Variants in RPRD2 observed in about 807,000 individuals in gnomAD.
RPRD2 encodes the protein regulation of nuclear pre-mRNA domain containing 2.
In RPRD2, 12 loss-of-function variants were observed where a neutral mutation model predicts 104.4. The ratio of observed to expected loss-of-function variants is 0.11; its 90% CI spans 0.07 to 0.19. RPRD2 has a LOEUF of 0.19. RPRD2 is among the 10% of genes least tolerant of loss of function. The pLI is 1.00. For synonymous variants in RPRD2, 714 were observed against 684.9 expected (o/e 1.04, Z -0.66); for missense variants, 1,543 against 1,790.1 (o/e 0.86, Z 2.49).
chr1:150,464,206 C>G (rs2102422845), intron 9 of RPRD2, among the ~76,000 whole-genome samples: 1 of 151,884 alleles, frequency 6.6e-6, no homozygotes, highest in African/African-American at 2.4e-5. Flanking sequence ...ACAGGGTTTC[C>G]CCATGTTGGT....
At chr1:150,423,947 C>A (rs1553890143) in intron 2 of RPRD2, among the ~76,000 whole-genome samples, 1 of 151,882 alleles carries the variant, frequency 6.6e-6, no homozygotes, top group African/African-American at 2.4e-5. Context: ...CATGCGCCAC[C>A]ACGCCTGGCT....
At chr1:150,425,365 C>T (rs1277608100) in intron 2 of RPRD2, among the ~76,000 whole-genome samples, 2 of 152,020 alleles carry the variant, frequency 1.3e-5, no homozygotes, top group African/African-American at 2.4e-5. Context: ...AATTTCTGGC[C>T]GGGTGAGGTG....
intron 1 of RPRD2, among the ~76,000 whole-genome samples, chr1:150,374,045 C>T (rs1245613575): frequency 6.6e-6 from 1 of 152,054 alleles, no homozygotes; most frequent in African/African-American, 2.4e-5. Context: ...GGTTGGCATC[C>T]CCTGGGTAGC....
rs782068239 is a variant in RPRD2, at chr1:150,464,604, G to A, written c.1489G>A (p.Ala497Thr). 6 of 1,608,830 alleles carry A rather than the reference G, an allele frequency of 3.7e-6. No homozygotes were observed. The South Asian group carries it at 6.6e-5, about 18-fold the overall frequency. Reference sequence around the variant, plus strand: ...CCTCACCAGTGGCCTGAAAACACCTGCACCTGCCACGACAACATCTCACAA... The same window carrying A: ...CCTCACCAGTGGCCTGAAAACACCTACACCTGCCACGACAACATCTCACAA... Reference protein sequence around the residue: ...SNLTSGLKTPAPATTTSHNPL... With the variant: ...SNLTSGLKTPTPATTTSHNPL... Residue 497 changes from alanine (A) to threonine (T), a missense_variant, in exon 10 of 11, where the codon GCA becomes ACA. Ala to Thr is a moderately conservative substitution (Grantham distance 58). Coordinates refer to ENST00000369068, the MANE Select transcript of RPRD2 (RefSeq NM_015203.5).
At chr1:150,469,742 G>A (rs923483925) in intron 10 of RPRD2, among the ~76,000 whole-genome samples, 1 of 152,132 alleles carries the variant, frequency 6.6e-6, no homozygotes, top group African/African-American at 2.4e-5. Flanking sequence ...CTTTCTCAGT[G>A]CTTCTGAGAA....
In RPRD2 at chr1:150,473,342, C is replaced by T; in HGVS notation, c.*8C>T. On this transcript the variant is annotated 3_prime_UTR_variant, in exon 11 of 11. Coordinates refer to ENST00000369068, the MANE Select transcript of RPRD2 (RefSeq NM_015203.5). Reference sequence around the variant, plus strand: ...TTCCCTCCCAGGTACTGATGGAAACCAAGGGAAAGGCATTTTGAACAGTCT... The same window carrying T: ...TTCCCTCCCAGGTACTGATGGAAACTAAGGGAAAGGCATTTTGAACAGTCT... 2 of 1,599,000 alleles carry T rather than the reference C, an allele frequency of 1.3e-6. No homozygotes were observed. Among genetic ancestry groups the T allele is most frequent in the Non-Finnish European group, 1.7e-6 (2 of 1,173,178 alleles).
intron 7 of RPRD2, among the ~76,000 whole-genome samples, chr1:150,447,334 CTTTT>C (rs34565214): frequency 7.3e-6 from 1 of 136,148 alleles, no homozygotes; most frequent in African/African-American, 2.8e-5. Flanking sequence ...AATTAAGGAA[CTTTT>C]TTTTTTTTTT....
At chr1:150,397,862 T>C (rs1317155950) in intron 1 of RPRD2, among the ~76,000 whole-genome samples, 1 of 152,054 alleles carries the variant, frequency 6.6e-6, no homozygotes, top group Non-Finnish European at 1.5e-5. Context: ...TTCTCCTGCC[T>C]CAGTCAGCCT....
chr1:150,402,748 C>T (rs587667642), intron 1 of RPRD2, among the ~76,000 whole-genome samples: 102 of 152,272 alleles, frequency 6.7e-4, no homozygotes, highest in African/African-American at 2.4e-3. Context: ...GGGCAGATCA[C>T]CTGAGGTCGG....
chr1:150,434,578 G>C (rs587600315), intron 2 of RPRD2, among the ~76,000 whole-genome samples: 1 of 152,218 alleles, frequency 6.6e-6, no homozygotes, highest in South Asian at 2.1e-4. Flanking sequence ...CACTTTGGGA[G>C]GCCGAGGCGG....
chr1:150,371,582 GA>G (rs1660302301), intron 1 of RPRD2, among the ~76,000 whole-genome samples: 1 of 152,124 alleles, frequency 6.6e-6, no homozygotes, highest in Admixed American at 6.6e-5. Context: ...TGTTAGCCAG[GA>G]TGGTCTCGAT....
intron 2 of RPRD2, among the ~76,000 whole-genome samples, chr1:150,428,836 A>T (rs1202094313): frequency 6.6e-6 from 1 of 152,094 alleles, no homozygotes; most frequent in African/African-American, 2.4e-5. Flanking sequence ...CTTGTACTTT[A>T]TCAACTTTCC....
At chr1:150,385,516 A>G (rs1391843683) in intron 1 of RPRD2, among the ~76,000 whole-genome samples, 3 of 152,228 alleles carry the variant, frequency 2.0e-5, no homozygotes, top group African/African-American at 7.2e-5. Context: ...TATTTTAAGT[A>G]TTATCATTCT....
chr1:150,445,655 CTTTCT>C (rs1297919981), intron 6 of RPRD2, among the ~76,000 whole-genome samples: 30 of 152,276 alleles, frequency 2.0e-4, no homozygotes, highest in African/African-American at 7.0e-4. Context: ...TTTAGTTGAA[CTTTCT>C]TTTCTTTACC....
intron 10 of RPRD2, among the ~76,000 whole-genome samples, chr1:150,468,558 G>GGAGAA (rs1668423714): frequency 1.3e-5 from 2 of 151,670 alleles, no homozygotes; most frequent in African/African-American, 4.8e-5. Flanking sequence ...AGGACTTCTG[G>GGAGAA]GTTTTGTGAG....
chr1:150,441,072 C>A, intron 3 of RPRD2, 49 bp downstream of exon 3: 1 of 885,800 alleles, frequency 1.1e-6, no homozygotes, highest in Non-Finnish European at 1.8e-6. Flanking sequence ...TCAGTCTTTA[C>A]AATTACATAA....
rs1482305318 is a variant in RPRD2 at position 150,415,043 on chromosome 1, G to A, written c.206-2553G>A. ...TATAAATATATAAATATAAATAAGA[G>A]GTCGGGTGCGGTGGCTTATGCCTGT... On this transcript the variant is annotated intron_variant, in intron 1 of 10. Coordinates refer to ENST00000369068, the MANE Select transcript of RPRD2 (RefSeq NM_015203.5). Among the ~76,000 whole-genome samples the A allele has an allele frequency of 2.6e-5, 4 of 152,098 alleles. No homozygotes were observed. In the East Asian group the frequency reaches 7.7e-4, roughly 29 times the overall value.
At chr1:150,443,191 G>C in intron 4 of RPRD2, 40 bp from the exon 5 acceptor site, 6 of 1,511,004 alleles carry the variant, frequency 4.0e-6, no homozygotes, top group Non-Finnish European at 5.4e-6. Context: ...TCAACTTTTT[G>C]TGTCTGTATT....
intron 1 of RPRD2, among the ~76,000 whole-genome samples, chr1:150,388,334 A>G (rs782593516): frequency 6.7e-6 from 1 of 150,366 alleles, no homozygotes; most frequent in Non-Finnish European, 1.5e-5. Context: ...GTGTATATAC[A>G]TGTGTATATA....
Sources: allele counts gnomAD v4.1 joint callset (sites outside exome capture counted in the v4.1 genomes callset), GRCh38; gene constraint gnomAD v4.1.1; transcripts MANE v1.5; gene names NCBI Gene and HGNC (gene_info 2026-07-23, HGNC 2026-07-21).